TBC1D2: variants seen among roughly 807,000 people sequenced by gnomAD.
TBC1D2 encodes TBC1 domain family member 2A.
TBC1D2 carries 58 observed loss-of-function variants against 91.1 expected under a neutral mutation model. That is an observed-to-expected ratio of 0.64 (90% CI 0.52 to 0.79). The LOEUF (loss-of-function observed/expected upper bound fraction) is 0.79, where lower values mean the gene tolerates loss of function less well. TBC1D2 is among the 30% of genes least tolerant of loss of function. TBC1D2 has a pLI of 0.00. For synonymous variants in TBC1D2, 482 were observed against 511.5 expected, an observed-to-expected ratio of 0.94 and a Z score of 0.78; for missense variants, 1,080 against 1,208.3, an observed-to-expected ratio of 0.89 and a Z score of 1.57.
intron 9 of TBC1D2, among the ~76,000 whole-genome samples, chr9:98,206,538 T>C (rs10818609): frequency 0.1 from 15,595 of 152,120 alleles, 1,005 homozygotes; most frequent in East Asian, 0.21. Context: ...CAGCACAGGT[T>C]GAACTCCAAA....
At chr9:98,221,975 C>T (rs932136851) in intron 5 of TBC1D2, among the ~76,000 whole-genome samples, 4 of 152,176 alleles carry the variant, frequency 2.6e-5, no homozygotes, top group African/African-American at 9.7e-5. Context: ...ATGATCTGCC[C>T]ACCTTGGCCT....
intron 3 of TBC1D2, among the ~76,000 whole-genome samples, chr9:98,240,177 G>A (rs1318793174): frequency 6.6e-6 from 1 of 151,892 alleles, no homozygotes; most frequent in African/African-American, 2.4e-5. Context: ...GTGTGTGTGT[G>A]TGTGTGTGTG....
At chr9:98,251,480 G>A (rs1389788657) in intron 2 of TBC1D2, among the ~76,000 whole-genome samples, 1 of 152,036 alleles carries the variant, frequency 6.6e-6, no homozygotes, top group Non-Finnish European at 1.5e-5. Flanking sequence ...AACCATTTTA[G>A]GTATATGAAT....
chr9:98,237,024 A>G (rs1453806202), intron 3 of TBC1D2, among the ~76,000 whole-genome samples: 1 of 151,942 alleles, frequency 6.6e-6, no homozygotes. Context: ...GCCAGTTAAG[A>G]TAATAAAATC....
intron 6 of TBC1D2, among the ~76,000 whole-genome samples, chr9:98,215,971 C>A (rs1828958976): frequency 1.3e-5 from 2 of 152,198 alleles, no homozygotes; most frequent in Non-Finnish European, 2.9e-5. Context: ...TGTGACCTCT[C>A]CTACCCATCA....
chr9:98,251,315 AC>A (rs1006373207), intron 2 of TBC1D2, among the ~76,000 whole-genome samples: 3 of 151,840 alleles, frequency 2.0e-5, no homozygotes, highest in African/African-American at 7.3e-5. Context: ...TCACTGATCT[AC>A]CCAACTCACG....
At position 98,255,283 on chromosome 9, in the gene TBC1D2, C is replaced by T. The variant is rs150365589; in HGVS notation, c.259G>A (p.Ala87Thr). Reference protein sequence around the residue: ...QLYYSRTAQDANPLDSIDLSS... With the variant: ...QLYYSRTAQDTNPLDSIDLSS... ...AGGTCGATGCTGTCCAAGGGATTGG[C>T]ATCCTGAGCGGTCCGCGAGTAATAC... The change falls in exon 1 of 13, where the codon GCC becomes ACC. Residue 87 changes from alanine to threonine, a missense_variant. By Grantham distance (58) the Ala-to-Thr change is moderately conservative. Coordinates refer to ENST00000465784, the MANE Select transcript of TBC1D2 (RefSeq NM_001267571.2). 1.9e-6 allele frequency: 3 copies of T among 1,614,256 alleles called. No individual in the cohort carries two copies. Among genetic ancestry groups the T allele is most frequent in the East Asian group, 2.2e-5 (1 of 44,884 alleles).
chr9:98,239,015 G>T (rs977931001), intron 3 of TBC1D2, among the ~76,000 whole-genome samples: 2 of 151,988 alleles, frequency 1.3e-5, no homozygotes, highest in African/African-American at 4.8e-5. Context: ...GAGCCACTGT[G>T]CCTGGCCTCC....
chr9:98,245,480 T>C (rs1460588431), intron 2 of TBC1D2, among the ~76,000 whole-genome samples: 2 of 151,920 alleles, frequency 1.3e-5, no homozygotes, highest in African/African-American at 4.8e-5. Context: ...GGTGGGTGGA[T>C]CACTTGAGCC....
intron 4 of TBC1D2, 128 bp from the exon 5 acceptor site, chr9:98,229,276 G>A: frequency 1.3e-6 from 1 of 784,354 alleles, no homozygotes; most frequent in Non-Finnish European, 2.0e-6. Context: ...TCGGAGCTCT[G>A]GATTTAATAG....
At chr9:98,232,334 C>CTGTTTTTT (rs1564251650) in intron 4 of TBC1D2, among the ~76,000 whole-genome samples, 64 of 62,916 alleles carry the variant, frequency 1.0e-3, no homozygotes, top group African/African-American at 8.2e-3. Context: ...TCTTCTTTCT[C>CTGTTTTTT]TTTTTCTGTT....
chr9:98,249,114 T>G (rs1829821918), intron 2 of TBC1D2, among the ~76,000 whole-genome samples: 1 of 152,116 alleles, frequency 6.6e-6, no homozygotes, highest in Admixed American at 6.5e-5. Flanking sequence ...CTTGCTGACT[T>G]GCCCAAGACA....
At chr9:98,220,327 C>T (rs887173115) in intron 6 of TBC1D2, among the ~76,000 whole-genome samples, 1 of 152,182 alleles carries the variant, frequency 6.6e-6, no homozygotes, top group Non-Finnish European at 1.5e-5. Flanking sequence ...GGCGATGCAC[C>T]CACCGAGGGC....
Position 98,201,631 on chromosome 9 carries a change from C to T in TBC1D2, c.2305G>A (p.Glu769Lys). 1 of 1,613,738 alleles carries T rather than the reference C, an allele frequency of 6.2e-7. No individual in the cohort carries two copies. Among genetic ancestry groups the T allele is most frequent in the South Asian group, 1.1e-5 (1 of 91,072 alleles). Residue 769 changes from glutamate (E) to lysine (K), a missense_variant, in exon 11 of 13, where the codon GAG (glutamate) becomes AAG (lysine). Glu to Lys is a moderately conservative substitution (Grantham distance 56). Transcript: ENST00000465784. ...DQRVLQDLLS[E>K]KLPRLMAHLG... The stretch of plus-strand genomic sequence containing the variant: ...TGGGCCATCAGCCTGGGCAGCTTCT[C>T]CGAGAGCAGGTCCTGGAGCACCCGC...
intron 6 of TBC1D2, among the ~76,000 whole-genome samples, chr9:98,219,985 G>A (rs1168617554): frequency 1.3e-5 from 2 of 152,242 alleles, no homozygotes; most frequent in African/African-American, 4.8e-5. Flanking sequence ...TGCGGGTCAC[G>A]GCAGGCAACA....
At chr9:98,253,124 G>A (rs938921507) in intron 1 of TBC1D2, among the ~76,000 whole-genome samples, 1 of 152,124 alleles carries the variant, frequency 6.6e-6, no homozygotes, top group Non-Finnish European at 1.5e-5. Context: ...ATTGACATAT[G>A]TGTCAGAGAT....
chr9:98,232,971 C>T (rs957613828), intron 4 of TBC1D2, among the ~76,000 whole-genome samples: 5 of 152,190 alleles, frequency 3.3e-5, no homozygotes, highest in Non-Finnish European at 7.3e-5. Flanking sequence ...GCACTGGCCA[C>T]CATGCCCAGC....
At chr9:98,208,445 A>G (rs987889222) in intron 9 of TBC1D2, among the ~76,000 whole-genome samples, 1 of 152,192 alleles carries the variant, frequency 6.6e-6, no homozygotes, top group Non-Finnish European at 1.5e-5. Flanking sequence ...GATCCCTCGC[A>G]TGCAGAGTTC....
At chr9:98,225,334 G>A (rs985437824) in intron 5 of TBC1D2, among the ~76,000 whole-genome samples, 1 of 152,246 alleles carries the variant, frequency 6.6e-6, no homozygotes, top group Non-Finnish European at 1.5e-5. Context: ...GGCCAGTGCT[G>A]CAGGTATGGG....
Sources: allele counts gnomAD v4.1 joint callset (sites outside exome capture counted in the v4.1 genomes callset), GRCh38; gene constraint gnomAD v4.1.1; transcripts MANE v1.5; gene names NCBI Gene and HGNC (gene_info 2026-07-23, HGNC 2026-07-21).